Variants in TAGLN3 observed in about 807,000 individuals in gnomAD.
TAGLN3 encodes the protein transgelin-3.
In TAGLN3, 12 loss-of-function variants were observed where a neutral mutation model predicts 25.4. The observed-to-expected ratio is 0.47, with a 90% CI of 0.30 to 0.77. The LOEUF is 0.77. Among genes scored for constraint, TAGLN3 ranks in the 30% least tolerant of loss-of-function variants. The pLI, the probability that TAGLN3 is intolerant of heterozygous loss-of-function variation, is 0.06. For synonymous variants in TAGLN3, 96 were observed against 94.8 expected (o/e 1.01, Z -0.08); for missense variants, 218 against 255.8 (o/e 0.85, Z 1.01).
chr3:111,999,457 G>T lies in TAGLN3; in HGVS notation c.35G>T (p.Arg12Leu), dbSNP rs777770878. The T allele has an allele frequency of 6.2e-7, 1 of 1,614,204 alleles. No individual in the cohort carries two copies. The highest frequency in any genetic ancestry group is 8.5e-7 in the Non-Finnish European group (1 of 1,180,026). Residue 12 changes from arginine (R) to leucine (L), a missense_variant, in exon 2 of 5, where the codon CGA becomes CTA. Physicochemically the swap from Arg to Leu is moderately radical, Grantham distance 102. Coordinates refer to ENST00000478951, the MANE Select transcript of TAGLN3 (RefSeq NM_001008272.2). ...AGGGGCCCGAGCTATGGCTTAAGCCGAGAGGTGCAGGAGAAGATCGAGCAG... is the reference window on the plus strand; with the variant it reads ...AGGGGCCCGAGCTATGGCTTAAGCCTAGAGGTGCAGGAGAAGATCGAGCAG... The part of the protein sequence containing the change: ...ANRGPSYGLS[R>L]EVQEKIEQKY...
chr3:112,004,282 C>G (rs1189508240), intron 3 of TAGLN3, among the ~76,000 whole-genome samples: 2 of 152,148 alleles, frequency 1.3e-5, no homozygotes, highest in African/African-American at 4.8e-5. Context: ...GTGGGGCCAT[C>G]TCAGCTGTCT....
chr3:112,001,391 T>G (rs2072858063), intron 3 of TAGLN3, among the ~76,000 whole-genome samples: 1 of 152,244 alleles, frequency 6.6e-6, no homozygotes, highest in Non-Finnish European at 1.5e-5. Context: ...TGTTAAACCT[T>G]TATCTGGGAG....
In TAGLN3 at chr3:112,013,400, C is replaced by T. The variant is rs1210142011; in HGVS notation, c.459-10C>T. 2.5e-6 allele frequency: 4 copies of T among 1,607,412 alleles called. No individual in the cohort carries two copies. Among genetic ancestry groups the T allele is most frequent in the Middle Eastern group, 1.7e-4 (1 of 6,014 alleles). Reference sequence around the variant, plus strand: ...TAATGACATTATTCCCTCTCACTTTCCTTGTCCAGGAAAGCCCAGCAGAAT... The same window carrying T: ...TAATGACATTATTCCCTCTCACTTTTCTTGTCCAGGAAAGCCCAGCAGAAT... On this transcript the variant is annotated splice_polypyrimidine_tract_variant and intron_variant, in intron 4 of 4. Coordinates refer to ENST00000478951, the MANE Select transcript of TAGLN3 (RefSeq NM_001008272.2).
Position 112,013,461 on chromosome 3 carries a change from A to G in TAGLN3, c.510A>G (p.Gly170=). ...TTTCCGAGGAGCAGCTTCGCCAGGG[A>G]CAGAACGTAATAGGCCTGCAGATGG... is the stretch of plus-strand genomic sequence containing the variant. The part of the protein sequence containing the change: ...RGFSEEQLRQ[G]QNVIGLQMGS... The change falls in exon 5 of 5, where the codon GGA becomes GGG. Residue 170 remains glycine, a synonymous_variant. Coordinates refer to ENST00000478951, the MANE Select transcript of TAGLN3 (RefSeq NM_001008272.2). 1.2e-6 allele frequency: 2 copies of G among 1,614,120 alleles called. No individual in the cohort carries two copies. The highest frequency in any genetic ancestry group is 1.7e-5 in the Admixed American group (1 of 60,022).
At position 112,000,906 on chromosome 3, in the gene TAGLN3, C is replaced by G; in HGVS notation, c.315C>G (p.Val105=). 6.2e-7 allele frequency: 1 copy of G among 1,614,122 alleles called. No individual in the cohort carries two copies. Among genetic ancestry groups the G allele is most frequent in the South Asian group, 1.1e-5 (1 of 91,070 alleles). The change falls in exon 3 of 5, where the codon GTC becomes GTG. Residue 105 remains valine (V), a synonymous_variant. Coordinates refer to ENST00000478951, the MANE Select transcript of TAGLN3 (RefSeq NM_001008272.2). ...QFLKAAETYG[V]RTTDIFQTVD... Reference sequence around the variant, plus strand: ...TAAAAGCTGCGGAGACCTATGGTGTCAGAACCACCGACATCTTTCAGACGG... The same window carrying G: ...TAAAAGCTGCGGAGACCTATGGTGTGAGAACCACCGACATCTTTCAGACGG...
intron 3 of TAGLN3, among the ~76,000 whole-genome samples, chr3:112,008,294 T>C (rs2072939796): frequency 1.3e-5 from 2 of 152,232 alleles, no homozygotes; most frequent in Admixed American, 1.3e-4. Context: ...TTTTCTTTTC[T>C]TGTTTATAAA....
At position 112,013,760 on chromosome 3, in the gene TAGLN3, C is replaced by G. The variant is rs2073004548; in HGVS notation, c.*209C>G. On this transcript the variant is annotated 3_prime_UTR_variant, in exon 5 of 5. Transcript: ENST00000478951. ...TAGAACTATGCAAAGACTCCGCTTCCGTTTTCCTGAGCTCCTCGGGCCCCA... is the reference window on the plus strand; with the variant it reads ...TAGAACTATGCAAAGACTCCGCTTCGGTTTTCCTGAGCTCCTCGGGCCCCA... The G allele has an allele frequency of 1.5e-6, 1 of 688,992 alleles. No homozygotes were observed. Among genetic ancestry groups the G allele is most frequent in the Non-Finnish European group, 2.6e-6 (1 of 390,430 alleles). The allele number at this position is 688,992 out of a possible 1,614,324, so 42.7% of individuals were successfully genotyped here.
rs1165368614 is a variant in TAGLN3, at chr3:112,005,693, C to CTTTTTTTTTTTTTTTTTTTTTTT, written c.355+4755_355+4756insTTTTTTTTTTTTTTTTTTTTTTT. On this transcript the variant is annotated intron_variant, in intron 3 of 4. Transcript: ENST00000478951. The stretch of plus-strand genomic sequence containing the variant: ...TGTCTGCTGCTCGAAGCCTAATTTT[C>CTTTTTTTTTTTTTTTTTTTTTTT]TTTTTTTTCTTTTTTTTTTTTTTTG... 2.5e-5 allele frequency among the ~76,000 whole-genome samples: 2 copies of CTTTTTTTTTTTTTTTTTTTTTTT among 79,940 alleles called. 1 individual carries two copies. The highest frequency in any genetic ancestry group is 4.8e-5 in the Non-Finnish European group (2 of 41,908). The allele number at this position is 79,940 out of a possible 152,430, so 52.4% of individuals were successfully genotyped here. A position where few individuals can be genotyped will look rare whatever the true frequency, so the allele number is the denominator to read the frequency against.
chr3:112,012,143 T>C (rs2072982875), intron 4 of TAGLN3, among the ~76,000 whole-genome samples: 1 of 152,166 alleles, frequency 6.6e-6, no homozygotes, highest in African/African-American at 2.4e-5. Context: ...ATGGCCTTTC[T>C]TGAAGGTGGC....
At chr3:112,007,698 G>C (rs2072932571) in intron 3 of TAGLN3, among the ~76,000 whole-genome samples, 1 of 152,264 alleles carries the variant, frequency 6.6e-6, no homozygotes, top group Non-Finnish European at 1.5e-5. Context: ...CAGGGTGGCT[G>C]TCAGGGAGCA....
chr3:112,004,622 A>G (rs2072897358), intron 3 of TAGLN3, among the ~76,000 whole-genome samples: 1 of 152,198 alleles, frequency 6.6e-6, no homozygotes, highest in Admixed American at 6.5e-5. Flanking sequence ...AATCATATGT[A>G]TTTCACAGGG....
At chr3:112,004,803 CTCTG>C in intron 3 of TAGLN3, among the ~76,000 whole-genome samples, 1 of 152,002 alleles carries the variant, frequency 6.6e-6, no homozygotes, top group East Asian at 2.0e-4. Flanking sequence ...AAGACACTCA[CTCTG>C]TCTTAGAACA....
At chr3:112,005,369 TAG>T (rs1369084863) in intron 3 of TAGLN3, among the ~76,000 whole-genome samples, 1 of 152,202 alleles carries the variant, frequency 6.6e-6, no homozygotes, top group Non-Finnish European at 1.5e-5. Context: ...TATAAAATTC[TAG>T]AATGTCAGAG....
At chr3:112,012,917 TAAG>T (rs1220435268) in intron 4 of TAGLN3, among the ~76,000 whole-genome samples, 4 of 152,210 alleles carry the variant, frequency 2.6e-5, no homozygotes, top group Non-Finnish European at 5.9e-5. Flanking sequence ...ATGTGCTTTG[TAAG>T]AAGAACCAAT....
chr3:112,010,199 G>C (rs1393605811), intron 3 of TAGLN3, among the ~76,000 whole-genome samples: 2 of 152,052 alleles, frequency 1.3e-5, no homozygotes, highest in African/African-American at 4.8e-5. Flanking sequence ...CGTTGCTCCA[G>C]GGTAGTGTCT....
chr3:112,011,082 G>A (rs149703687), intron 3 of TAGLN3, among the ~76,000 whole-genome samples: 1 of 152,168 alleles, frequency 6.6e-6, no homozygotes, highest in African/African-American at 2.4e-5. Flanking sequence ...TGGACTTTTG[G>A]TCTGATTCTA....
At chr3:112,001,042 T>C (rs768927332) in intron 3 of TAGLN3, 96 bp downstream of exon 3, 321 of 1,100,744 alleles carry the variant, frequency 2.9e-4, no homozygotes, top group Non-Finnish European at 3.8e-4. Flanking sequence ...CCTGTGCCGA[T>C]TGATGTGTGT....
chr3:112,004,486 C>T (rs1411453840), intron 3 of TAGLN3, among the ~76,000 whole-genome samples: 1 of 152,094 alleles, frequency 6.6e-6, no homozygotes, highest in Non-Finnish European at 1.5e-5. Context: ...CAAGCTTATC[C>T]TGGAAAGTAT....
Position 111,999,615 on chromosome 3 carries a change from G to C in TAGLN3, c.180+13G>C. ...AATGGACGGGACGGTAAGGCCGGCA[G>C]CGATCTCGGTTGCTGGGGCGGTGGG... On this transcript the variant is annotated intron_variant, in intron 2 of 4. Transcript: ENST00000478951. 8 of 1,610,382 alleles carry C rather than the reference G, an allele frequency of 5.0e-6. No homozygotes were observed. Among genetic ancestry groups the C allele is most frequent in the Non-Finnish European group, 6.8e-6 (8 of 1,177,270 alleles).
Sources: gnomAD v4.1 joint callset for allele counts (sites outside exome capture counted in the v4.1 genomes callset) on GRCh38, gnomAD v4.1.1 for gene constraint, MANE v1.5 for transcripts, NCBI Gene and HGNC (gene_info 2026-07-23, HGNC 2026-07-21) for gene names.